Variants in TENM4 observed in about 807,000 individuals in gnomAD.
TENM4 encodes teneurin-4.
Under a neutral mutation model 243.3 loss-of-function variants are expected in TENM4, and 82 were observed. The ratio of observed to expected loss-of-function variants is 0.34; its 90% CI spans 0.28 to 0.40. The LOEUF (loss-of-function observed/expected upper bound fraction) is 0.40. TENM4 is among the 10% of genes least tolerant of loss of function. The pLI is 1.00. For synonymous variants in TENM4, 1,412 were observed against 1,456.3 expected (o/e 0.97, Z 0.69); for missense variants, 3,138 against 3,673.3 (o/e 0.85, Z 3.77).
At chr11:78,989,308 G>A (rs1306082874) in intron 6 of TENM4, among the ~76,000 whole-genome samples, 1 of 152,340 alleles carries the variant, frequency 6.6e-6, no homozygotes, top group Non-Finnish European at 1.5e-5. Context: ...AAAGCATCTA[G>A]AAATATTTTT....
intron 4 of TENM4, among the ~76,000 whole-genome samples, chr11:79,113,715 G>A (rs1166479116): frequency 6.6e-6 from 1 of 152,116 alleles, no homozygotes; most frequent in Non-Finnish European, 1.5e-5. Flanking sequence ...TGGACATTGG[G>A]AACCCTGGCC....
intron 6 of TENM4, among the ~76,000 whole-genome samples, chr11:78,932,335 A>C (rs1231528908): frequency 1.3e-5 from 2 of 152,202 alleles, no homozygotes; most frequent in African/African-American, 2.4e-5. Flanking sequence ...GGAGTTCTGC[A>C]CATCAGTTCA....
chr11:79,002,591 C>T (rs905917523), intron 6 of TENM4, among the ~76,000 whole-genome samples: 2 of 152,154 alleles, frequency 1.3e-5, no homozygotes, highest in African/African-American at 4.8e-5. Context: ...AGTGAATCCA[C>T]CTTATACCAA....
chr11:78,882,038 C>A (rs568176152), intron 9 of TENM4, among the ~76,000 whole-genome samples: 12 of 152,330 alleles, frequency 7.9e-5, no homozygotes, highest in African/African-American at 2.9e-4. Context: ...CAAGTTCAAT[C>A]ATCTCCATTT....
intron 3 of TENM4, among the ~76,000 whole-genome samples, chr11:79,184,683 C>T (rs1863351124): frequency 1.3e-5 from 2 of 152,092 alleles, no homozygotes; most frequent in East Asian, 3.9e-4. Flanking sequence ...TTCCCAGAGA[C>T]AGAGAGTAGA....
intron 4 of TENM4, among the ~76,000 whole-genome samples, chr11:79,071,784 T>TA (rs1245896343): frequency 6.6e-6 from 1 of 152,102 alleles, no homozygotes; most frequent in African/African-American, 2.4e-5. Flanking sequence ...CCCCATATTA[T>TA]AGATGAAGCT....
At chr11:78,676,058 C>T (rs1387764205) in intron 30 of TENM4, 94 bp downstream of exon 30, 5 of 1,220,096 alleles carry the variant, frequency 4.1e-6, no homozygotes, top group Non-Finnish European at 5.5e-6. Context: ...GATGAGTGAA[C>T]TGAGGTCCCA....
chr11:79,090,563 G>A (rs1015558827), intron 4 of TENM4, among the ~76,000 whole-genome samples: 2 of 152,218 alleles, frequency 1.3e-5, no homozygotes, highest in African/African-American at 2.4e-5. Context: ...TGTTACTGAT[G>A]AGAAGCCAAG....
intron 12 of TENM4, among the ~76,000 whole-genome samples, chr11:78,851,504 G>A (rs557006): frequency 0.44 from 67,305 of 152,094 alleles, 15,669 homozygotes; most frequent in Middle Eastern, 0.57. Flanking sequence ...TCTGGGGTTT[G>A]ATTAATATCC....
chr11:78,759,516 G>A (rs1257510664), intron 18 of TENM4, among the ~76,000 whole-genome samples: 3 of 152,184 alleles, frequency 2.0e-5, no homozygotes, highest in Non-Finnish European at 4.4e-5. Flanking sequence ...TACCACCAAA[G>A]CAGTCCCTGG....
intron 3 of TENM4, among the ~76,000 whole-genome samples, chr11:79,188,899 C>A (rs1189494590): frequency 6.6e-6 from 1 of 152,104 alleles, no homozygotes; most frequent in African/African-American, 2.4e-5. Context: ...TGCAAGCATG[C>A]ATAATAAACA....
chr11:79,077,496 A>ATG (rs1368205741), intron 4 of TENM4, among the ~76,000 whole-genome samples: 2 of 152,232 alleles, frequency 1.3e-5, no homozygotes, highest in Non-Finnish European at 2.9e-5. Flanking sequence ...CAGGATACAC[A>ATG]CATCTACAAT....
chr11:79,147,112 C>A (rs1862408427), intron 4 of TENM4, among the ~76,000 whole-genome samples: 1 of 152,144 alleles, frequency 6.6e-6, no homozygotes, highest in Non-Finnish European at 1.5e-5. Context: ...GTCAGCTCAT[C>A]TGAGTTCCCC....
intron 6 of TENM4, among the ~76,000 whole-genome samples, chr11:79,002,637 C>CA (rs1858362053): frequency 6.6e-6 from 1 of 152,048 alleles, no homozygotes; most frequent in South Asian, 2.1e-4. Context: ...AAGATAAAAT[C>CA]AAAAAAACCC....
At chr11:79,407,915 T>C (rs1196692917) in intron 1 of TENM4, among the ~76,000 whole-genome samples, 4 of 151,894 alleles carry the variant, frequency 2.6e-5, no homozygotes, top group Non-Finnish European at 4.4e-5. Flanking sequence ...TTTTCTTTTT[T>C]TTTTTTTTAA....
intron 4 of TENM4, among the ~76,000 whole-genome samples, chr11:79,140,107 C>T (rs567272250): frequency 6.6e-6 from 1 of 151,932 alleles, no homozygotes; most frequent in East Asian, 2.0e-4. Flanking sequence ...TGGATCGTCT[C>T]CCATCTCTCC....
At chr11:79,025,522 G>A (rs1376475827) in intron 6 of TENM4, among the ~76,000 whole-genome samples, 1 of 152,194 alleles carries the variant, frequency 6.6e-6, no homozygotes, top group African/African-American at 2.4e-5. Context: ...CATTTAATGA[G>A]CTTCCTGGTA....
Position 78,738,513 on chromosome 11 carries a change from A to C in TENM4, c.2814T>G (p.Gly938=). The change falls in exon 20 of 34, where the codon GGT becomes GGG. Residue 938 remains glycine (G), a synonymous_variant. Coordinates refer to ENST00000278550, the MANE Select transcript of TENM4 (RefSeq NM_001098816.3). ...VMTSDGTPLV[G]VNISFVNNPL... The stretch of plus-strand genomic sequence containing the variant: ...GGTTATTGACAAAACTGATGTTCAC[A>C]CCAACCAGGGGGGTTCCATCTGATG... The C allele has an allele frequency of 6.2e-7, 1 of 1,613,942 alleles. No homozygotes were observed.
intron 1 of TENM4, among the ~76,000 whole-genome samples, chr11:79,414,597 G>A (rs1858773430): frequency 6.6e-6 from 1 of 152,216 alleles, no homozygotes; most frequent in Admixed American, 6.5e-5. Context: ...TCTAAGAGTG[G>A]ACTGTTCCAA....
Sources: allele counts gnomAD v4.1 joint callset (sites outside exome capture counted in the v4.1 genomes callset), GRCh38; gene constraint gnomAD v4.1.1; transcripts MANE v1.5; gene names NCBI Gene and HGNC (gene_info 2026-07-23, HGNC 2026-07-21).